Variants in SULF1 observed in about 807,000 individuals in gnomAD.
SULF1 encodes the protein sulfatase 1, also known as extracellular sulfatase Sulf-1.
In SULF1, 46 loss-of-function variants were observed where a neutral mutation model predicts 110.5. That is an observed-to-expected ratio of 0.42 (90% CI 0.33 to 0.53). SULF1 has a LOEUF of 0.53. SULF1 is among the 20% of genes least tolerant of loss of function. The probability of loss-of-function intolerance (pLI) is 0.12; values close to 1 mark genes in which losing one functional copy is unlikely to be tolerated. For synonymous variants in SULF1, 371 were observed against 387.1 expected (o/e 0.96, Z 0.49); for missense variants, 941 against 1,094.2 (o/e 0.86, Z 1.98).
intron 1 of SULF1, among the ~76,000 whole-genome samples, chr8:69,467,958 G>A (rs1377916483): frequency 2.0e-5 from 3 of 151,144 alleles, no homozygotes; most frequent in Admixed American, 1.3e-4. Flanking sequence ...TATAAGAAGG[G>A]GGTTTATATG....
In SULF1 at chr8:69,494,898, A is replaced by G. The variant is rs534298732; in HGVS notation, c.-390-867A>G. Among the ~76,000 whole-genome samples the G allele has an allele frequency of 5.4e-4, 82 of 152,032 alleles. No homozygotes were observed. In the South Asian group the frequency reaches 6.6e-3, roughly 12 times the overall value. On this transcript the variant is annotated intron_variant, in intron 1 of 22. Coordinates refer to ENST00000402687, the MANE Select transcript of SULF1 (RefSeq NM_001128205.2). ...CTATCTCAAAGGAAAAAAAAAAAAA[A>G]AAAGAGAGAGACTATTGTAGTGTTC...
chr8:69,579,147 C>T (rs1421825919), intron 6 of SULF1, among the ~76,000 whole-genome samples: 5 of 117,536 alleles, frequency 4.3e-5, no homozygotes, highest in South Asian at 2.6e-4. Flanking sequence ...GGAGACAAAG[C>T]GAGACTCTGT....
At chr8:69,491,176 G>A (rs185034905), upstream of SULF1, among the ~76,000 whole-genome samples, 39 of 152,312 alleles carry the variant, frequency 2.6e-4, no homozygotes, top group Non-Finnish European at 4.9e-4. Context: ...GGTGGAATTT[G>A]AAGCATGTTA....
At chr8:69,619,614 G>A (rs929901814) in intron 13 of SULF1, among the ~76,000 whole-genome samples, 3 of 152,352 alleles carry the variant, frequency 2.0e-5, no homozygotes, top group South Asian at 2.1e-4. Context: ...CAAGCTCCCC[G>A]TATGTGTCTG....
At chr8:69,487,307 C>T (rs1366728920) in intron 1 of SULF1, among the ~76,000 whole-genome samples, 2 of 152,196 alleles carry the variant, frequency 1.3e-5, no homozygotes, top group Non-Finnish European at 2.9e-5. Context: ...ATTCCTTCCC[C>T]TTGAATAGAA....
At position 69,638,721 on chromosome 8, in the gene SULF1, G is replaced by C. The variant is rs748665826; in HGVS notation, c.2428-14G>C. 2 of 1,613,552 alleles carry C rather than the reference G, an allele frequency of 1.2e-6. No individual in the cohort carries two copies. Among genetic ancestry groups the C allele is most frequent in the East Asian group, 4.5e-5 (2 of 44,878 alleles). On this transcript the variant is annotated splice_polypyrimidine_tract_variant and intron_variant, in intron 20 of 22. Transcript: ENST00000402687. ...GACATAAGCTTAAATAGATTGTCCT[G>C]TCTGCATTCACAGCTCACAAATACA...
chr8:69,655,704 G>A (rs1372360283), intron 22 of SULF1, among the ~76,000 whole-genome samples: 5 of 152,048 alleles, frequency 3.3e-5, no homozygotes, highest in East Asian at 1.9e-4. Context: ...CACCATGCCC[G>A]GTCTAAATCC....
Position 69,621,241 on chromosome 8 carries a change from G to T in SULF1, c.1584G>T (p.Gln528His). The T allele has an allele frequency of 6.2e-7, 1 of 1,612,280 alleles. No homozygotes were observed. The highest frequency in any genetic ancestry group is 1.1e-5 in the South Asian group (1 of 90,932). Residue 528 changes from glutamine (Q) to histidine (H), a missense_variant, in exon 14 of 23, where the codon CAG (glutamine) becomes CAT (histidine). Physicochemically the swap from Gln to His is conservative, Grantham distance 24. Transcript: ENST00000402687. ...GTCAACGGCAATTCTTGAGAAACCAGGGGACTCCAAGTAAGCCACGCTTTT... is the reference window on the plus strand; with the variant it reads ...GTCAACGGCAATTCTTGAGAAACCATGGGACTCCAAGTAAGCCACGCTTTT... Reference protein sequence around the residue: ...RKSQRQFLRNQGTPKYKPRFV... With the variant: ...RKSQRQFLRNHGTPKYKPRFV...
intron 22 of SULF1, among the ~76,000 whole-genome samples, chr8:69,650,354 A>G (rs548658038): frequency 1.3e-5 from 2 of 152,204 alleles, no homozygotes; most frequent in African/African-American, 4.8e-5. Flanking sequence ...TTTCCCGGCC[A>G]GATATGGAGG....
chr8:69,500,923 A>G (rs561088550), intron 2 of SULF1, among the ~76,000 whole-genome samples: 22 of 152,258 alleles, frequency 1.4e-4, no homozygotes, highest in Non-Finnish European at 2.6e-4. Context: ...TTGTGGTAGG[A>G]GTGATCCATC....
chr8:69,573,009 T>C (rs1455176555), intron 5 of SULF1, among the ~76,000 whole-genome samples: 1 of 152,196 alleles, frequency 6.6e-6, no homozygotes, highest in Non-Finnish European at 1.5e-5. Flanking sequence ...GTATTTTCAG[T>C]AGGGACAGGG....
chr8:69,654,913 C>T (rs935659951), intron 22 of SULF1, among the ~76,000 whole-genome samples: 1 of 152,194 alleles, frequency 6.6e-6, no homozygotes, highest in African/African-American at 2.4e-5. Flanking sequence ...GCTATCTTTG[C>T]TCACTTTTGG....
intron 1 of SULF1, among the ~76,000 whole-genome samples, chr8:69,474,908 C>T (rs891352326): frequency 5.9e-4 from 90 of 152,130 alleles, no homozygotes; most frequent in African/African-American, 2.1e-3. Context: ...ACACAAAACA[C>T]AAAAGCTACA....
At chr8:69,561,049 G>T (rs1320405656) in intron 3 of SULF1, among the ~76,000 whole-genome samples, 2 of 152,134 alleles carry the variant, frequency 1.3e-5, no homozygotes, top group East Asian at 3.9e-4. Context: ...AAGATCTGTT[G>T]CCCAGCAAGG....
intron 3 of SULF1, among the ~76,000 whole-genome samples, chr8:69,551,735 G>C (rs1243638177): frequency 6.6e-6 from 1 of 152,128 alleles, no homozygotes; most frequent in African/African-American, 2.4e-5. Context: ...AGTGCTAGTG[G>C]GTTGATCGCT....
rs564254410 is a variant in SULF1 at position 69,651,175 on chromosome 8, C to T, written c.2586-7330C>T. On this transcript the variant is annotated intron_variant, in intron 22 of 22. Transcript: ENST00000402687. The stretch of plus-strand genomic sequence containing the variant: ...TTCAAGCCATTCTTCTTCCTCCCCT[C>T]CCGAGTAGCTGGGATTGCAGGCACC... Among the ~76,000 whole-genome samples the T allele has an allele frequency of 4.0e-5, 6 of 151,410 alleles. No homozygotes were observed. The South Asian group carries it at 1.3e-3, about 32-fold the overall frequency.
intron 13 of SULF1, among the ~76,000 whole-genome samples, chr8:69,616,478 G>A (rs1055323049): frequency 2.0e-5 from 3 of 151,124 alleles, no homozygotes; most frequent in East Asian, 1.9e-4. Flanking sequence ...CTCAGCTCAC[G>A]GCAACCTCCG....
At chr8:69,625,421 G>A (rs1242574557) in intron 15 of SULF1, among the ~76,000 whole-genome samples, 1 of 152,204 alleles carries the variant, frequency 6.6e-6, no homozygotes, top group Non-Finnish European at 1.5e-5. Context: ...TGGTCTCACT[G>A]ACTTCAAGAA....
chr8:69,562,490 A>T (rs1276066612), intron 3 of SULF1, among the ~76,000 whole-genome samples: 1 of 152,202 alleles, frequency 6.6e-6, no homozygotes, highest in Non-Finnish European at 1.5e-5. Flanking sequence ...CTGCTATCTA[A>T]TTAATTTTAG....
Sources: allele counts gnomAD v4.1 joint callset (sites outside exome capture counted in the v4.1 genomes callset), GRCh38; gene constraint gnomAD v4.1.1; transcripts MANE v1.5; gene names NCBI Gene and HGNC (gene_info 2026-07-23, HGNC 2026-07-21).